Variants in ICE1 observed in about 807,000 individuals in gnomAD.
ICE1 encodes the protein little elongation complex subunit 1.
ICE1 carries 64 observed loss-of-function variants against 192.7 expected under a neutral mutation model. That is an observed-to-expected ratio of 0.33 (90% CI 0.27 to 0.41). The LOEUF is 0.41. Among genes scored for constraint, ICE1 ranks in the 10% least tolerant of loss-of-function variants. ICE1 has a pLI of 1.00. For missense variants in ICE1, 2,708 were observed against 2,696.0 expected, an observed-to-expected ratio of 1.00 and a Z score of -0.10; for synonymous variants, 1,010 against 984.5, an observed-to-expected ratio of 1.03 and a Z score of -0.49.
chr5:5,444,386 A>G (rs1255816803), intron 7 of ICE1, 60 bp downstream of exon 7: 2 of 1,125,994 alleles, frequency 1.8e-6, no homozygotes, highest in Non-Finnish European at 2.6e-6. Context: ...TGGTAACTGT[A>G]TGAGGAGGTA....
At chr5:5,443,087 C>T (rs1461583510) in intron 5 of ICE1, 81 bp from the exon 6 acceptor site, 3 of 741,642 alleles carry the variant, frequency 4.0e-6, no homozygotes, top group South Asian at 3.5e-5. Flanking sequence ...TGGTTAATAG[C>T]TTATCAAAGG....
At chr5:5,482,620 C>T (rs553881301) in intron 17 of ICE1, among the ~76,000 whole-genome samples, 3 of 152,246 alleles carry the variant, frequency 2.0e-5, no homozygotes, top group South Asian at 4.1e-4. Context: ...CTTTTCGTGC[C>T]GTGGCACTAT....
Position 5,464,648 on chromosome 5 carries a change from A to G in ICE1, c.5314A>G (p.Asn1772Asp). 1 of 1,613,692 alleles carries G rather than the reference A, an allele frequency of 6.2e-7. No homozygotes were observed. The highest frequency in any genetic ancestry group is 8.5e-7 in the Non-Finnish European group (1 of 1,179,782). The part of the protein sequence containing the change: ...RARTLNILKG[N>D]IQLTRGPPAD... ...CCGGACCCTCAACATCCTCAAAGGG[A>G]ATATTCAACTCACACGAGGTCCGCC... The change falls in exon 13 of 19, where the codon AAT (asparagine) becomes GAT (aspartate). Residue 1772 changes from asparagine (N) to aspartate (D), a missense_variant. Asn to Asp is a conservative substitution (Grantham distance 23). Transcript: ENST00000296564. This position sits in a 1 kb window ranked among gnomAD's most constrained non-coding sequence, Gnocchi z 4.0.
intron 17 of ICE1, among the ~76,000 whole-genome samples, chr5:5,481,950 A>G (rs967309562): frequency 2.0e-5 from 3 of 152,250 alleles, no homozygotes; most frequent in Admixed American, 6.5e-5. Flanking sequence ...GTCCAAGGAC[A>G]GAATCTCCTC....
At chr5:5,483,462 A>G (rs1013008177) in intron 17 of ICE1, among the ~76,000 whole-genome samples, 6 of 152,224 alleles carry the variant, frequency 3.9e-5, no homozygotes, top group Non-Finnish European at 5.9e-5. Flanking sequence ...GTTTACTCCA[A>G]CCTACCTTAA....
chr5:5,436,505 A>G, intron 2 of ICE1, 29 bp downstream of exon 2: 1 of 1,322,936 alleles, frequency 7.6e-7, no homozygotes, highest in Non-Finnish European at 1.0e-6. Flanking sequence ...CGTTTGGCAG[A>G]ACTTTGTAAA....
At position 5,486,752 on chromosome 5, in the gene ICE1, A is replaced by G. The variant is rs1312357722; in HGVS notation, c.6552A>G (p.Gly2184=). ...GRLGQLGLKE[G]FPSAVKNISS... is the part of the protein sequence containing the mutation. ...TAGGCCAATTGGGTTTGAAAGAAGG[A>G]TTTCCATCTGCTGTGAAAAATATTA... is the stretch of plus-strand genomic sequence containing the variant. Residue 2184 remains glycine, a synonymous_variant, in exon 18 of 19, where the codon GGA becomes GGG. Coordinates refer to ENST00000296564, the MANE Select transcript of ICE1 (RefSeq NM_015325.3). 1.2e-6 allele frequency: 2 copies of G among 1,602,658 alleles called. No homozygotes were observed. The highest frequency in any genetic ancestry group is 1.7e-6 in the Non-Finnish European group (2 of 1,173,956).
intron 18 of ICE1, 85 bp from the exon 19 acceptor site, chr5:5,489,064 A>T: frequency 9.0e-7 from 1 of 1,105,678 alleles, no homozygotes; most frequent in Admixed American, 2.6e-5. Context: ...TCTGTATTTG[A>T]ATAGTATTCC....
intron 1 of ICE1, among the ~76,000 whole-genome samples, chr5:5,432,249 G>T (rs1737734282): frequency 6.6e-6 from 1 of 152,098 alleles, no homozygotes; most frequent in Non-Finnish European, 1.5e-5. Context: ...TTTTGGCTCT[G>T]TTAAGGAAAA....
Position 5,463,257 on chromosome 5 carries a change from C to T in ICE1, c.3923C>T (p.Thr1308Met), listed in dbSNP as rs148095940. ...AAAGAGAAAAGTCCATTTCGGGAAA[C>T]GACTGGCTCCTCATCACATGCTTCA... Reference protein sequence around the residue: ...NLKEKSPFRETTGSSSHASEP... With the variant: ...NLKEKSPFREMTGSSSHASEP... Residue 1308 changes from threonine to methionine, a missense_variant, in exon 13 of 19, where the codon ACG (threonine) becomes ATG (methionine). Transcript: ENST00000296564. The T allele has an allele frequency of 2.5e-4, 403 of 1,613,014 alleles. No homozygotes were observed. In the African/African-American group the frequency reaches 4.4e-3, roughly 17 times the overall value.
rs1335246220 is a variant in ICE1 at position 5,447,951 on chromosome 5, T to TA, written c.604+54_604+55insA. The TA allele has an allele frequency of 3.6e-6, 5 of 1,380,176 alleles. No homozygotes were observed. In the Admixed American group the frequency reaches 6.1e-5, roughly 17 times the overall value. The allele number at this position is 1,380,176 out of a possible 1,614,324, so 85.5% of individuals were successfully genotyped here. ...GTTGTGTATTGCTCTTAGTGGGTTG[T>TA]GAGACTGTGTTTTGCTCCTACATAT... On this transcript the variant is annotated intron_variant, in intron 10 of 18. Coordinates refer to ENST00000296564, the MANE Select transcript of ICE1 (RefSeq NM_015325.3).
At position 5,462,749 on chromosome 5, in the gene ICE1, G is replaced by A. The variant is rs1738837118; in HGVS notation, c.3415G>A (p.Ala1139Thr). Residue 1139 changes from alanine (A) to threonine (T), a missense_variant, in exon 13 of 19, where the codon GCT becomes ACT. By Grantham distance (58) the Ala-to-Thr change is moderately conservative. Transcript: ENST00000296564. ...GAAAAATTTAGGAGACACAGATGCT[G>A]CTGTAGCCGAGGTGAGACCTTCCTT... ...SQKNLGDTDA[A>T]VAEVRPSLEV... The A allele has an allele frequency of 6.2e-7, 1 of 1,613,780 alleles. No individual in the cohort carries two copies. The highest frequency in any genetic ancestry group is 1.1e-5 in the South Asian group (1 of 91,052).
intron 15 of ICE1, among the ~76,000 whole-genome samples, chr5:5,471,714 A>T (rs985590822): frequency 6.6e-6 from 1 of 152,200 alleles, no homozygotes; most frequent in Non-Finnish European, 1.5e-5. Flanking sequence ...AACTTATTAA[A>T]TATGATACTA....
Position 5,461,120 on chromosome 5 carries a change from A to G in ICE1, c.1786A>G (p.Lys596Glu), listed in dbSNP as rs10475299. Reference sequence around the variant, plus strand: ...ACTATCTAGAGAATTGGAAAAGGAAAAAGAAGATACTCAAGGGTTCACTTT... The same window carrying G: ...ACTATCTAGAGAATTGGAAAAGGAAGAAGAAGATACTCAAGGGTTCACTTT... ...HRLSRELEKE[K>E]EDTQGFTLGE... The change falls in exon 13 of 19, where the codon AAA (lysine) becomes GAA (glutamate). Residue 596 changes from lysine (K) to glutamate (E), a missense_variant. Around this residue, in one of 2 missense-constraint regions of ICE1, gnomAD observed 2,366 missense variants for 2,276.6 expected, o/e 1.04. Transcript: ENST00000296564. 0.012 allele frequency: 18,960 copies of G among 1,613,960 alleles called. 1,945 individuals are homozygous for G. In the African/African-American group the frequency reaches 0.22, roughly 19 times the overall value.
intron 1 of ICE1, among the ~76,000 whole-genome samples, chr5:5,423,401 T>C (rs913153084): frequency 6.6e-5 from 10 of 150,944 alleles, no homozygotes; most frequent in South Asian, 2.1e-4. Context: ...CCATCCTGAG[T>C]ATTTGTTGTT....
rs61746060 is a variant in ICE1 at position 5,476,063 on chromosome 5, A to C, written c.6504A>C (p.Ser2168=). 1,310 of 1,583,190 alleles carry C rather than the reference A, an allele frequency of 8.3e-4. 8 individuals are homozygous for C. The African/African-American group carries it at 0.016, about 19-fold the overall frequency. Residue 2168 remains serine (S), a synonymous_variant, in exon 17 of 19, where the codon TCA becomes TCC. Coordinates refer to ENST00000296564, the MANE Select transcript of ICE1 (RefSeq NM_015325.3). ...IAYTPDIIIA[S]ILRLIGRLGQ... is the part of the protein sequence containing the mutation. ...ATACTCCTGATATTATTATAGCCTC[A>C]ATACTGAGGCTGATTGGTAAGTTGT...
intron 1 of ICE1, among the ~76,000 whole-genome samples, chr5:5,426,029 A>G (rs1265947961): frequency 6.6e-6 from 1 of 152,252 alleles, no homozygotes. Flanking sequence ...TTGGAATGAC[A>G]TCAGAACTAG....
intron 17 of ICE1, among the ~76,000 whole-genome samples, chr5:5,484,792 G>A (rs758984803): frequency 1.3e-5 from 2 of 152,188 alleles, no homozygotes; most frequent in Non-Finnish European, 2.9e-5. Context: ...AAACTCATAT[G>A]CTGGATCCAC....
In ICE1 at chr5:5,463,017, C is replaced by G; in HGVS notation, c.3683C>G (p.Thr1228Arg). The G allele has an allele frequency of 6.2e-7, 1 of 1,613,798 alleles. No homozygotes were observed. Among genetic ancestry groups the G allele is most frequent in the East Asian group, 2.2e-5 (1 of 44,868 alleles). ...AGAAAGCAACCCTGTGAGGAAGAAA[C>G]ACTTGGAACCTGTGAAGAGTGGATT... Reference protein sequence around the residue: ...KYRKQPCEEETLGTCEEWIES... With the variant: ...KYRKQPCEEERLGTCEEWIES... The change falls in exon 13 of 19, where the codon ACA (threonine) becomes AGA (arginine). Residue 1228 changes from threonine (T) to arginine (R), a missense_variant. Thr to Arg is a moderately conservative substitution (Grantham distance 71). This residue lies in a region of ICE1 where 2,366 missense variants were observed against 2,276.6 expected (regional missense o/e 1.04). Coordinates refer to ENST00000296564, the MANE Select transcript of ICE1 (RefSeq NM_015325.3).
Sources: allele counts gnomAD v4.1 joint callset (sites outside exome capture counted in the v4.1 genomes callset), GRCh38; gene constraint gnomAD v4.1.1; regional missense constraint gnomAD v4.1.1; non-coding constraint Gnocchi (gnomAD v3.1); transcripts MANE v1.5; gene names NCBI Gene and HGNC (gene_info 2026-07-23, HGNC 2026-07-21).